TEX22: variants seen among roughly 807,000 people sequenced by gnomAD.
The protein encoded by TEX22 is testis-expressed protein 22.
A neutral mutation model predicts 11.3 loss-of-function variants in TEX22; 16 were observed. The ratio of observed to expected loss-of-function variants is 1.42; its 90% CI spans 0.96 to 2.15. TEX22 has a LOEUF of 2.15. Among genes scored for constraint, TEX22 ranks in the 30% most tolerant of loss-of-function variants. TEX22 has a pLI of 0.00. For synonymous variants in TEX22, 97 were observed against 92.3 expected, an observed-to-expected ratio of 1.05 and a Z score of -0.29; for missense variants, 220 against 208.6, an observed-to-expected ratio of 1.05 and a Z score of -0.34.
At chr14:105,411,339 C>G (rs587672748) in intron 2 of TEX22, 29 bp from the exon 3 acceptor site, 17 of 1,280,038 alleles carry the variant, frequency 1.3e-5, no homozygotes, top group Non-Finnish European at 1.5e-5. Context: ...GCGCCGAGGC[C>G]CTCGCCGACC....
intron 2 of TEX22, among the ~76,000 whole-genome samples, chr14:105,402,508 A>G (rs1210522035): frequency 2.0e-5 from 3 of 151,958 alleles, no homozygotes; most frequent in East Asian, 3.9e-4. Flanking sequence ...TAATCCCAGC[A>G]CTTTGGGAGG....
chr14:105,411,393 G>T lies in TEX22; in HGVS notation c.176G>T (p.Arg59Leu). ...DWVCEPPERR[R>L]PGRRWSVSID... is the part of the protein sequence containing the mutation. ...GTGTGCGAGCCGCCGGAACGCAGGC[G>T]CCCGGGCCGCCGCTGGAGCGTCAGC... The change falls in exon 3 of 4, where the codon CGC becomes CTC. Residue 59 changes from arginine to leucine, a missense_variant. Physicochemically the swap from Arg to Leu is moderately radical, Grantham distance 102. Transcript: ENST00000451127. 10 of 1,321,086 alleles carry T rather than the reference G, an allele frequency of 7.6e-6. No homozygotes were observed. Among genetic ancestry groups the T allele is most frequent in the Non-Finnish European group, 9.7e-6 (10 of 1,035,756 alleles). 81.8% of individuals were successfully genotyped at this position (1,321,086 alleles called of 1,614,324 possible).
intron 1 of TEX22, 34 bp from the exon 2 acceptor site, chr14:105,399,268 G>GCCCCCCCCCCCCCCCCCCCCCCCCC: frequency 7.9e-7 from 1 of 1,272,370 alleles, no homozygotes; most frequent in Admixed American, 2.4e-5. Flanking sequence ...GGCCTTGTGG[G>GCCCCCCCCCCCCCCCCCCCCCCCCC]CCCCGCCCCA....
chr14:105,406,566 C>T (rs1346775018), intron 2 of TEX22, among the ~76,000 whole-genome samples: 1 of 151,820 alleles, frequency 6.6e-6, no homozygotes, highest in Non-Finnish European at 1.5e-5. Flanking sequence ...AAAAATTAGC[C>T]CGGGTGGCGT....
At chr14:105,402,643 C>A (rs894554436) in intron 2 of TEX22, among the ~76,000 whole-genome samples, 3 of 151,688 alleles carry the variant, frequency 2.0e-5, no homozygotes, top group Non-Finnish European at 4.4e-5. Context: ...GTAGTCCCAG[C>A]TACTCGGGAG....
At chr14:105,403,751 C>A (rs2141357690) in intron 2 of TEX22, among the ~76,000 whole-genome samples, 1 of 152,276 alleles carries the variant, frequency 6.6e-6, no homozygotes, top group African/African-American at 2.4e-5. Flanking sequence ...TGCCAAGCTT[C>A]CCAAAAACAA....
chr14:105,410,708 A>G (rs779524201), intron 2 of TEX22, among the ~76,000 whole-genome samples: 8 of 152,124 alleles, frequency 5.3e-5, no homozygotes, highest in Non-Finnish European at 1.0e-4. Flanking sequence ...AGGGAGGTGG[A>G]GGATGGTGAA....
At chr14:105,400,360 G>A (rs1192580590) in intron 2 of TEX22, among the ~76,000 whole-genome samples, 1 of 152,226 alleles carries the variant, frequency 6.6e-6, no homozygotes, top group African/African-American at 2.4e-5. Context: ...GTCAGGTGCT[G>A]GGGAGTGGGG....
intron 2 of TEX22, among the ~76,000 whole-genome samples, chr14:105,402,492 C>G (rs190252612): frequency 2.0e-5 from 3 of 152,010 alleles, no homozygotes; most frequent in Admixed American, 1.3e-4. Flanking sequence ...TGGTGGCTCA[C>G]GCCTGTAATC....
chr14:105,404,575 G>A (rs1035196957), intron 2 of TEX22, among the ~76,000 whole-genome samples: 6 of 152,094 alleles, frequency 3.9e-5, no homozygotes, highest in Admixed American at 1.3e-4. Context: ...GAATGCCAGC[G>A]ACAAAAACCT....
chr14:105,399,456 G>T lies in TEX22; in HGVS notation c.116G>T (p.Ser39Ile), dbSNP rs897177329. Residue 39 changes from serine to isoleucine, a missense_variant, in exon 2 of 4, where the codon AGC (serine) becomes ATC (isoleucine). Physicochemically the swap from Ser to Ile is moderately radical, Grantham distance 142. Coordinates refer to ENST00000451127, the MANE Select transcript of TEX22 (RefSeq NM_001195082.2). ...GCCTGGGGCCAGCCCAGTATCCAGA[G>T]CAGCGTTCAGCAGGGACTGCAGACT... The part of the protein sequence containing the change: ...IAAWGQPSIQ[S>I]SVQQGLQTQD... 31 of 1,535,472 alleles carry T rather than the reference G, an allele frequency of 2.0e-5. No individual in the cohort carries two copies. The highest frequency in any genetic ancestry group is 3.3e-4 in the Middle Eastern group (2 of 5,982).
chr14:105,405,181 C>T (rs781789978), intron 2 of TEX22, among the ~76,000 whole-genome samples: 5 of 151,848 alleles, frequency 3.3e-5, no homozygotes, highest in African/African-American at 9.7e-5. Flanking sequence ...GTGCCAGCTA[C>T]GTGGAGGCTG....
chr14:105,403,951 A>G (rs2081645821), intron 2 of TEX22, among the ~76,000 whole-genome samples: 1 of 152,244 alleles, frequency 6.6e-6, no homozygotes, highest in African/African-American at 2.4e-5. Flanking sequence ...ATGAGCCACC[A>G]TACCCAGCCT....
chr14:105,405,544 G>T (rs182762859), intron 2 of TEX22, among the ~76,000 whole-genome samples: 1 of 152,210 alleles, frequency 6.6e-6, no homozygotes, highest in Admixed American at 6.5e-5. Flanking sequence ...TATTCCAACC[G>T]CAGGGTGAAG....
chr14:105,411,340 C>T, intron 2 of TEX22, 28 bp from the exon 3 acceptor site: 9 of 1,281,614 alleles, frequency 7.0e-6, no homozygotes, highest in Non-Finnish European at 8.9e-6. Flanking sequence ...CGCCGAGGCC[C>T]TCGCCGACCC....
At chr14:105,399,551 T>C (rs1228048600) in intron 2 of TEX22, 61 bp downstream of exon 2, 6 of 1,464,954 alleles carry the variant, frequency 4.1e-6, no homozygotes, top group Non-Finnish European at 5.4e-6. Context: ...CTGAGGCCGC[T>C]GTCTCTGAAA....
chr14:105,411,452 G>A lies in TEX22; in HGVS notation c.235G>A (p.Gly79Ser). The part of the protein sequence containing the change: ...DERRRLATLG[G>S]RERPGAAGTQ... Reference sequence around the variant, plus strand: ...GCGCCGGCGGCTGGCCACGCTGGGCGGCCGGGAGAGGCCGGGCGCCGCCGG... The same window carrying A: ...GCGCCGGCGGCTGGCCACGCTGGGCAGCCGGGAGAGGCCGGGCGCCGCCGG... The change falls in exon 3 of 4, where the codon GGC becomes AGC. Residue 79 changes from glycine (G) to serine (S), a missense_variant. Transcript: ENST00000451127. The A allele has an allele frequency of 8.1e-7, 1 of 1,232,568 alleles. No homozygotes were observed. The highest frequency in any genetic ancestry group is 1.6e-5 in the African/African-American group (1 of 63,728). The allele number at this position is 1,232,568 out of a possible 1,614,324, so 76.4% of individuals were successfully genotyped here.
chr14:105,412,135 T>G lies in TEX22; in HGVS notation c.*302T>G. The G allele has an allele frequency of 1.1e-5, 3 of 266,586 alleles. No individual in the cohort carries two copies. Among genetic ancestry groups the G allele is most frequent in the Admixed American group, 5.1e-5 (1 of 19,420 alleles). 16.5% of individuals were successfully genotyped at this position (266,586 alleles called of 1,614,324 possible). A position where few individuals can be genotyped will look rare whatever the true frequency, so the allele number is the denominator to read the frequency against. ...GGGGCCGCTGGGAGGAGGCCTGGGG[T>G]ACCTGGGCCTGCCTGAGGTGCACTG... On this transcript the variant is annotated 3_prime_UTR_variant, in exon 4 of 4. Coordinates refer to ENST00000451127, the MANE Select transcript of TEX22 (RefSeq NM_001195082.2). The surrounding 1 kb of genome is among the most constrained non-coding windows in gnomAD (Gnocchi z 5.8).
In TEX22 at chr14:105,411,975, T is replaced by C; in HGVS notation, c.*142T>C. On this transcript the variant is annotated 3_prime_UTR_variant, in exon 4 of 4. Coordinates refer to ENST00000451127, the MANE Select transcript of TEX22 (RefSeq NM_001195082.2). ...GAAAACAGGCCAGGCAGGACCTGGC[T>C]CCGGACAGCCTGCAGCTGCTGAGGC... 3.6e-6 allele frequency: 3 copies of C among 838,900 alleles called. No individual in the cohort carries two copies. Among genetic ancestry groups the C allele is most frequent in the Non-Finnish European group, 5.1e-6 (3 of 583,260 alleles). The allele number at this position is 838,900 out of a possible 1,614,324, so 52.0% of individuals were successfully genotyped here.
Sources: gnomAD v4.1 joint callset for allele counts (sites outside exome capture counted in the v4.1 genomes callset) on GRCh38, gnomAD v4.1.1 for gene constraint, Gnocchi (gnomAD v3.1) non-coding constraint, MANE v1.5 for transcripts, NCBI Gene and HGNC (gene_info 2026-07-23, HGNC 2026-07-21) for gene names.